PMS1: variants seen among roughly 807,000 people sequenced by gnomAD.
The protein encoded by PMS1 is PMS1 homolog 1, mismatch repair system component, also known as PMS1 protein homolog 1.
Under a neutral mutation model 93.1 loss-of-function variants are expected in PMS1, and 79 were observed. The observed-to-expected ratio is 0.85, with a 90% CI of 0.71 to 1.02. The LOEUF is 1.02. Among genes scored for constraint, PMS1 ranks in the 50% least tolerant of loss-of-function variants. The pLI is 0.00. For missense variants in PMS1, 1,064 were observed against 1,085.3 expected (o/e 0.98, Z 0.28); for synonymous variants, 335 against 363.4 (o/e 0.92, Z 0.89).
At position 189,818,168 on chromosome 2, in the gene PMS1, T is replaced by C; in HGVS notation, c.570T>C (p.Phe190=). Residue 190 remains phenylalanine (F), a synonymous_variant, in exon 5 of 13, where the codon TTT becomes TTC. Transcript: ENST00000441310. Reference sequence around the variant, plus strand: ...TTAAACCTGACTTAAGGATTGTCTTTGTACATAACAAGGTAAACATTATTT... The same window carrying C: ...TTAAACCTGACTTAAGGATTGTCTTCGTACATAACAAGGTAAACATTATTT... ...GILKPDLRIV[F]VHNKAVIWQK... The C allele has an allele frequency of 6.3e-7, 1 of 1,590,518 alleles. No individual in the cohort carries two copies. Among genetic ancestry groups the C allele is most frequent in the Non-Finnish European group, 8.6e-7 (1 of 1,159,420 alleles).
chr2:189,817,047 AT>A (rs1279692664), intron 4 of PMS1, among the ~76,000 whole-genome samples: 2 of 152,214 alleles, frequency 1.3e-5, no homozygotes, highest in African/African-American at 4.8e-5. Flanking sequence ...CCCAGGGAAC[AT>A]TTGGCAGTAT....
intron 3 of PMS1, among the ~76,000 whole-genome samples, chr2:189,797,846 G>A (rs2049497645): frequency 6.6e-6 from 1 of 152,176 alleles, no homozygotes; most frequent in Non-Finnish European, 1.5e-5. Context: ...GCTGGCATAG[G>A]ATAGTGTAGG....
At chr2:189,820,295 T>G (rs2051713948) in intron 5 of PMS1, among the ~76,000 whole-genome samples, 1 of 151,980 alleles carries the variant, frequency 6.6e-6, no homozygotes, top group South Asian at 2.1e-4. Flanking sequence ...TCTACCATGC[T>G]CTCTTCCTTT....
chr2:189,805,874 G>A (rs2050299150), intron 4 of PMS1, 120 bp downstream of exon 4: 2 of 1,546,644 alleles, frequency 1.3e-6, no homozygotes, highest in Non-Finnish European at 1.7e-6. Flanking sequence ...CCTGATAAAG[G>A]CTAGTTAACT....
chr2:189,808,503 T>G (rs1425815226), intron 4 of PMS1, among the ~76,000 whole-genome samples: 1 of 151,030 alleles, frequency 6.6e-6, no homozygotes, highest in Non-Finnish European at 1.5e-5. Context: ...AATTTTTGTG[T>G]TTTTTTTAGT....
At chr2:189,876,849 C>T (rs1279685235) in intron 12 of PMS1, among the ~76,000 whole-genome samples, 1 of 148,906 alleles carries the variant, frequency 6.7e-6, no homozygotes, top group East Asian at 2.0e-4. Flanking sequence ...TGGCCTCAAG[C>T]AGTTCTCCTG....
At chr2:189,867,971 A>G in intron 11 of PMS1, 42 bp downstream of exon 11, 1 of 1,520,574 alleles carries the variant, frequency 6.6e-7, no homozygotes, top group Non-Finnish European at 9.1e-7. Flanking sequence ...TGGAAAAATT[A>G]GTCTTGTTCC....
At chr2:189,827,626 T>C (rs1696940407) in intron 5 of PMS1, among the ~76,000 whole-genome samples, 1 of 152,190 alleles carries the variant, frequency 6.6e-6, no homozygotes, top group Non-Finnish European at 1.5e-5. Flanking sequence ...AAATATCATG[T>C]GTATCCACTG....
chr2:189,820,372 A>C (rs921790984), intron 5 of PMS1, among the ~76,000 whole-genome samples: 6 of 151,644 alleles, frequency 4.0e-5, no homozygotes, highest in Non-Finnish European at 5.9e-5. Context: ...TGGCACGATC[A>C]CAGCTCACTG....
chr2:189,806,158 A>G (rs2050324626), intron 4 of PMS1: 1 of 324,506 alleles, frequency 3.1e-6, no homozygotes, highest in South Asian at 6.2e-5. Flanking sequence ...TTTAAAATCT[A>G]TTTGTTAATT....
chr2:189,828,777 C>T (rs1393999280), intron 5 of PMS1, among the ~76,000 whole-genome samples: 1 of 150,974 alleles, frequency 6.6e-6, no homozygotes, highest in African/African-American at 2.4e-5. Context: ...CCATAAGTCG[C>T]AATGGTCAAA....
intron 6 of PMS1, among the ~76,000 whole-genome samples, chr2:189,844,779 TTTC>T (rs2054117127): frequency 1.3e-5 from 2 of 152,010 alleles, no homozygotes; most frequent in African/African-American, 4.8e-5. Context: ...AACTCAAACT[TTTC>T]TTCTTACTCC....
At chr2:189,790,254 A>C (rs2048730574) in intron 1 of PMS1, among the ~76,000 whole-genome samples, 1 of 152,206 alleles carries the variant, frequency 6.6e-6, no homozygotes, top group South Asian at 2.1e-4. Context: ...TGGATGACTA[A>C]TGATGTTTAA....
At chr2:189,867,716 A>C in intron 10 of PMS1, 83 bp from the exon 11 acceptor site, 2 of 945,060 alleles carry the variant, frequency 2.1e-6, no homozygotes, top group Non-Finnish European at 3.4e-6. Flanking sequence ...ACACTTGTCA[A>C]AGGGCCCTAG....
At position 189,876,967 on chromosome 2, in the gene PMS1, C is replaced by T. The variant is rs1145235; in HGVS notation, c.2635-305C>T. 4.5e-3 allele frequency among the ~76,000 whole-genome samples: 686 copies of T among 152,094 alleles called. 4 individuals carry two copies. The highest frequency in any genetic ancestry group is 0.016 in the African/African-American group (676 of 41,510). On this transcript the variant is annotated intron_variant, in intron 12 of 12. Transcript: ENST00000441310. ...ATCTCCTCAAGTAATCTTTTTCCAA[C>T]TCTACAATCACTCTATCATGTGGCC... is the stretch of plus-strand genomic sequence containing the variant.
rs557783515 is a variant in PMS1, at chr2:189,833,669, A to G, written c.583-10295A>G. 2.6e-5 allele frequency among the ~76,000 whole-genome samples: 4 copies of G among 152,182 alleles called. No homozygotes were observed. The South Asian group carries it at 8.3e-4, about 32-fold the overall frequency. ...TACTTTTTCATTAGGCTTTGCTTATAAACTTTAAATGTTATAATGATATGA... is the reference window on the plus strand; with the variant it reads ...TACTTTTTCATTAGGCTTTGCTTATGAACTTTAAATGTTATAATGATATGA... On this transcript the variant is annotated intron_variant, in intron 5 of 12. Coordinates refer to ENST00000441310, the MANE Select transcript of PMS1 (RefSeq NM_000534.5).
chr2:189,847,112 G>A (rs762839531), intron 6 of PMS1, among the ~76,000 whole-genome samples: 14 of 151,762 alleles, frequency 9.2e-5, no homozygotes, highest in Admixed American at 2.6e-4. Context: ...CACCCGCCTC[G>A]GCCCCCCAAA....
chr2:189,804,536 A>G (rs746952449), intron 3 of PMS1, among the ~76,000 whole-genome samples: 6 of 152,114 alleles, frequency 3.9e-5, no homozygotes, highest in Non-Finnish European at 7.4e-5. Context: ...AGAGAATCTA[A>G]CGTCCTCTGC....
chr2:189,785,337 C>G (rs979948199), intron 1 of PMS1: 1 of 152,114 alleles, frequency 6.6e-6, no homozygotes, highest in Non-Finnish European at 1.5e-5. Context: ...ATCTTTACTT[C>G]TTTTTTAGGC....
Sources: gnomAD v4.1 joint callset for allele counts (sites outside exome capture counted in the v4.1 genomes callset) on GRCh38, gnomAD v4.1.1 for gene constraint, MANE v1.5 for transcripts, NCBI Gene and HGNC (gene_info 2026-07-23, HGNC 2026-07-21) for gene names.